The following PAX6 variants were observed in gnomAD, a reference collection of about 807,000 sequenced individuals.
PAX6 encodes the protein paired box protein Pax-6.
A neutral mutation model predicts 60.7 loss-of-function variants in PAX6; 7 were observed. That is an observed-to-expected ratio of 0.12 (90% confidence interval 0.07 to 0.22). PAX6 has a LOEUF of 0.22. Ranked by LOEUF, PAX6 falls within the 10% of genes least tolerant of loss-of-function variation. The pLI is 1.00. For missense variants in PAX6, 355 were observed against 555.2 expected, an observed-to-expected ratio of 0.64 and a Z score of 3.62; for synonymous variants, 208 against 201.2, an observed-to-expected ratio of 1.03 and a Z score of -0.29.
intron 4 of PAX6, 105 bp from the exon 5 acceptor site, chr11:31,802,939 CAGAA>C (rs1954602024): frequency 8.8e-7 from 1 of 1,130,766 alleles, no homozygotes; most frequent in South Asian, 1.3e-5. Flanking sequence ...AGAACAAGAA[CAGAA>C]AGGAGAGGAG....
intron 1 of PAX6, chr11:31,816,565 C>A: frequency 2.8e-6 from 2 of 702,646 alleles, no homozygotes; most frequent in Non-Finnish European, 5.2e-6. Flanking sequence ...GTCCACTTCC[C>A]ACTGCGAAGC....
chr11:31,813,396 G>GT (rs1206141363), upstream of PAX6, among the ~76,000 whole-genome samples: 1 of 104,952 alleles, frequency 9.5e-6, no homozygotes, highest in African/African-American at 3.5e-5. Flanking sequence ...GGGCGGGGGG[G>GT]GGGGAAGTGA....
Position 31,793,513 on chromosome 11 carries a change from G to T in PAX6, c.999C>A (p.Asp333Glu). ...CGCTGTAGGTGTTTGTGAGGGCTGT[G>T]TCTGTTCGGCCCAACATGGAGCCAG... ...FTSGSMLGRT[D>E]TALTNTYSAL... Residue 333 changes from aspartate to glutamate, a missense_variant, in exon 12 of 14, where the codon GAC (aspartate) becomes GAA (glutamate). This residue lies in a region of PAX6 where 149 missense variants were observed against 191.9 expected (regional missense o/e 0.78). Transcript: ENST00000640368. The T allele has an allele frequency of 1.9e-6, 3 of 1,614,240 alleles. No homozygotes were observed. The highest frequency in any genetic ancestry group is 2.5e-6 in the Non-Finnish European group (3 of 1,180,038).
upstream of PAX6, among the ~76,000 whole-genome samples, chr11:31,813,523 TC>T (rs1383988613): frequency 1.3e-5 from 2 of 151,750 alleles, no homozygotes; most frequent in African/African-American, 4.8e-5. Context: ...TGTTGCTATT[TC>T]CCCCCAGGGC....
intron 13 of PAX6, chr11:31,790,453 A>G: frequency 7.4e-7 from 1 of 1,350,946 alleles, no homozygotes; most frequent in Non-Finnish European, 9.5e-7. Flanking sequence ...CTGTCCTCAG[A>G]AAACTTGCAG....
chr11:31,802,170 G>A, intron 5 of PAX6: 13 of 483,986 alleles, frequency 2.7e-5, no homozygotes, highest in South Asian at 1.2e-4. Flanking sequence ...AAAGAACAAA[G>A]GTAAAAAATA....
intron 8 of PAX6, among the ~76,000 whole-genome samples, chr11:31,796,964 TC>T (rs1214355385): frequency 6.6e-6 from 1 of 152,148 alleles, no homozygotes. Flanking sequence ...GCCCCAAGTT[TC>T]CGGGGACTTT....
intron 5 of PAX6, chr11:31,802,396 C>G: frequency 2.5e-6 from 1 of 394,194 alleles, no homozygotes; most frequent in African/African-American, 2.0e-5. Flanking sequence ...GGTTCATAAA[C>G]TGTTCCCACA....
At chr11:31,792,017 A>C (rs1950116384) in intron 12 of PAX6, 1 of 152,240 alleles carries the variant, frequency 6.6e-6, no homozygotes, top group African/African-American at 2.4e-5. Context: ...TAATTGCAGC[A>C]TCTACTTGTT....
At chr11:31,809,726 C>A (rs918798906) in intron 2 of PAX6, 4 of 152,206 alleles carry the variant, frequency 2.6e-5, no homozygotes, top group Non-Finnish European at 5.9e-5. Flanking sequence ...AAGAAGTGAT[C>A]AGACGAGGGG....
upstream of PAX6, chr11:31,816,139 A>G (rs1310804043): frequency 6.5e-6 from 1 of 154,658 alleles, no homozygotes; most frequent in Non-Finnish European, 1.4e-5. Flanking sequence ...CCCGCGGGAA[A>G]GTTTGTGCAG....
At chr11:31,816,311 G>T (rs1957371530), upstream of PAX6, 1 of 511,774 alleles carries the variant, frequency 2.0e-6, no homozygotes, top group Non-Finnish European at 3.5e-6. Context: ...TCTATGAGAG[G>T]GTCTGAGGAA....
chr11:31,801,303 GC>G, intron 7 of PAX6: 2 of 1,416,196 alleles, frequency 1.4e-6, no homozygotes, highest in Non-Finnish European at 1.8e-6. Context: ...TCATTCAAGT[GC>G]CTTTCCCTGG....
In PAX6 at chr11:31,789,697, A is replaced by C; in HGVS notation, c.*237T>G. ...TACAAATAATACACCAAAATGAATA[A>C]AAGTTTGGATACCAAAATGAAGATT... On this transcript the variant is annotated 3_prime_UTR_variant, in exon 14 of 14. Coordinates refer to ENST00000640368, the MANE Select transcript of PAX6 (RefSeq NM_001368894.2). The C allele has an allele frequency of 1.4e-6, 1 of 703,146 alleles. No individual in the cohort carries two copies. The highest frequency in any genetic ancestry group is 2.7e-5 in the East Asian group (1 of 37,276). 43.6% of individuals were successfully genotyped at this position (703,146 alleles called of 1,614,324 possible).
intron 8 of PAX6, 34 bp downstream of exon 8, chr11:31,800,657 T>G: frequency 6.2e-7 from 1 of 1,612,666 alleles, no homozygotes; most frequent in Non-Finnish European, 8.5e-7. Context: ...GATGCACATA[T>G]GGAGAGCTGC....
intron 2 of PAX6, chr11:31,808,915 C>G (rs1019120274): frequency 6.6e-6 from 1 of 152,310 alleles, no homozygotes; most frequent in Non-Finnish European, 1.5e-5. Flanking sequence ...AGGCTCTGTA[C>G]GGCCTCGCTG....
Position 31,806,167 on chromosome 11 carries a change from G to A in PAX6, c.10+235C>T. The A allele has an allele frequency of 6.1e-6, 3 of 492,800 alleles. No homozygotes were observed. In the East Asian group the frequency reaches 1.0e-4, roughly 17 times the overall value. 30.5% of individuals were successfully genotyped at this position (492,800 alleles called of 1,614,324 possible). On this transcript the variant is annotated intron_variant, in intron 4 of 13. Coordinates refer to ENST00000640368, the MANE Select transcript of PAX6 (RefSeq NM_001368894.2). ...TCTCTACCGCAGCTTCGAAAACTCG[G>A]GCGGGCTGTTCTTAAGGGCCCAGCC... is the stretch of plus-strand genomic sequence containing the variant.
chr11:31,801,406 G>C, intron 7 of PAX6, 155 bp downstream of exon 7: 2 of 1,527,092 alleles, frequency 1.3e-6, no homozygotes, highest in Non-Finnish European at 1.8e-6. Context: ...AAAAGTCAGG[G>C]CATTCCTCTC....
intron 8 of PAX6, among the ~76,000 whole-genome samples, chr11:31,797,024 G>A (rs913210468): frequency 6.6e-6 from 1 of 152,094 alleles, no homozygotes; most frequent in Non-Finnish European, 1.5e-5. Context: ...CCCACCCCTC[G>A]CTTTATTTTC....
Sources: allele counts gnomAD v4.1 joint callset (sites outside exome capture counted in the v4.1 genomes callset), GRCh38; gene constraint gnomAD v4.1.1; regional missense constraint gnomAD v4.1.1; transcripts MANE v1.5; gene names NCBI Gene and HGNC (gene_info 2026-07-23, HGNC 2026-07-21).